The following BCO1 variants were observed in gnomAD, a reference collection of about 807,000 sequenced individuals.
The protein encoded by BCO1 is beta,beta-carotene 15,15'-dioxygenase.
Under a neutral mutation model 56.3 loss-of-function variants are expected in BCO1, and 54 were observed. The observed-to-expected ratio is 0.96, with a 90% CI of 0.77 to 1.20. The LOEUF (loss-of-function observed/expected upper bound fraction) is 1.20, where lower values mean the gene tolerates loss of function less well. Among genes scored for constraint, BCO1 ranks in the 50% most tolerant of loss-of-function variants. The pLI, the probability that BCO1 is intolerant of heterozygous loss-of-function variation, is 0.00. For synonymous variants in BCO1, 318 were observed against 266.1 expected (o/e 1.20, Z -1.90); for missense variants, 801 against 690.9 (o/e 1.16, Z -1.79).
intron 8 of BCO1, among the ~76,000 whole-genome samples, chr16:81,282,039 CTTG>C (rs1229516632): frequency 1.3e-5 from 2 of 152,206 alleles, no homozygotes; most frequent in African/African-American, 2.4e-5. Flanking sequence ...AATGAATGGA[CTTG>C]TCCAAGGAGA....
intron 1 of BCO1, among the ~76,000 whole-genome samples, chr16:81,239,811 C>A (rs1374273768): frequency 2.0e-5 from 3 of 152,020 alleles, no homozygotes; most frequent in African/African-American, 7.2e-5. Flanking sequence ...ATCTCTTTTT[C>A]CTCCTCTTTT....
intron 2 of BCO1, among the ~76,000 whole-genome samples, chr16:81,246,443 A>G (rs1905421999): frequency 6.6e-6 from 1 of 152,198 alleles, no homozygotes; most frequent in African/African-American, 2.4e-5. Flanking sequence ...AAGGAGGCCA[A>G]GGTTCTTTTT....
At chr16:81,257,653 G>T (rs1906225537) in intron 2 of BCO1, among the ~76,000 whole-genome samples, 2 of 151,804 alleles carry the variant, frequency 1.3e-5, no homozygotes, top group African/African-American at 4.8e-5. Flanking sequence ...AGGCAGGTGG[G>T]TCTCCTGTGG....
Sources: gnomAD v4.1 joint callset for allele counts (sites outside exome capture counted in the v4.1 genomes callset) on GRCh38, gnomAD v4.1.1 for gene constraint, MANE v1.5 for transcripts, NCBI Gene and HGNC (gene_info 2026-07-23, HGNC 2026-07-21) for gene names.